QRICH2: variants seen among roughly 807,000 people sequenced by gnomAD.
QRICH2 encodes the protein glutamine rich 2.
In QRICH2, 119 loss-of-function variants were observed where a neutral mutation model predicts 168.3. The ratio of observed to expected loss-of-function variants is 0.71; its 90% confidence interval spans 0.61 to 0.82. The LOEUF (loss-of-function observed/expected upper bound fraction) is 0.82. QRICH2 is among the 40% of genes least tolerant of loss of function. The pLI, the probability that QRICH2 is intolerant of heterozygous loss-of-function variation, is 0.00. For synonymous variants in QRICH2, 894 were observed against 951.2 expected (o/e 0.94, Z 1.11); for missense variants, 2,241 against 2,491.6 (o/e 0.90, Z 2.14).
chr17:76,304,470 A>AC lies in QRICH2; in HGVS notation c.649dup (p.Val217GlyfsTer29). On this transcript the variant is annotated frameshift_variant, in exon 3 of 19. Transcript: ENST00000680821. LOFTEE classifies it high-confidence loss of function. ...CGCCTGCTCCAGCTCTTCCCAGGTG[A>AC]CCATGGTGACTTCTTCTGCACCAGG... The AC allele has an allele frequency of 6.2e-7, 1 of 1,613,864 alleles. No individual in the cohort carries two copies. Among genetic ancestry groups the AC allele is most frequent in the Admixed American group, 1.7e-5 (1 of 60,020 alleles).
chr17:76,282,903 C>T (rs1379384615), intron 7 of QRICH2, among the ~76,000 whole-genome samples: 1 of 152,120 alleles, frequency 6.6e-6, no homozygotes, highest in African/African-American at 2.4e-5. Flanking sequence ...CACTGCAGAG[C>T]GCGAGGGAGA....
rs2070789221 is a variant in QRICH2, at chr17:76,281,618, G to A, written c.4263+246C>T. On this transcript the variant is annotated intron_variant, in intron 8 of 18. Coordinates refer to ENST00000680821, the MANE Select transcript of QRICH2 (RefSeq NM_001388453.1). The surrounding 1 kb of genome is among the most constrained non-coding windows in gnomAD (Gnocchi z 4.4). ...GATCTGTCCTCAGCCGGCCTGTGCT[G>A]TCCCACCCCATCAAGCCAGCTCTTC... 6.6e-6 allele frequency among the ~76,000 whole-genome samples: 1 copy of A among 152,218 alleles called. No individual in the cohort carries two copies. Among genetic ancestry groups the A allele is most frequent in the Non-Finnish European group, 1.5e-5 (1 of 68,038 alleles).
chr17:76,307,937 T>C lies in QRICH2; in HGVS notation c.62A>G (p.Glu21Gly). The C allele has an allele frequency of 8.1e-7, 1 of 1,235,772 alleles. No individual in the cohort carries two copies. The highest frequency in any genetic ancestry group is 1.0e-6 in the Non-Finnish European group (1 of 989,974). 76.6% of individuals were successfully genotyped at this position (1,235,772 alleles called of 1,614,324 possible). Residue 21 changes from glutamate to glycine, a missense_variant, in exon 1 of 19, where the codon GAG (glutamate) becomes GGG (glycine). Coordinates refer to ENST00000680821, the MANE Select transcript of QRICH2 (RefSeq NM_001388453.1). This position sits in a 1 kb window ranked among gnomAD's most constrained non-coding sequence, Gnocchi z 5.3. ...GGCCGTGAAGTTGACGGCGCCCACCTCTGGCGTGCCGATGGAGAGGTCCGC... is the reference window on the plus strand; with the variant it reads ...GGCCGTGAAGTTGACGGCGCCCACCCCTGGCGTGCCGATGGAGAGGTCCGC... The part of the protein sequence containing the change: ...ELADLSIGTP[E>G]VGAVNFTALH...
chr17:76,292,096 A>T lies in QRICH2; in HGVS notation c.2631T>A (p.Asp877Glu), dbSNP rs369976847. The change falls in exon 4 of 19, where the codon GAT (aspartate) becomes GAA (glutamate). Residue 877 changes from aspartate (D) to glutamate (E), a missense_variant. Coordinates refer to ENST00000680821, the MANE Select transcript of QRICH2 (RefSeq NM_001388453.1). ...TTCCAGGTTGGACCAAACCACGCTG[A>T]TCCACTCCAGGTTGCACCAAACCAC... Reference protein sequence around the residue: ...DQRGLVQPGVDQRGLVQPGMD... With the variant: ...DQRGLVQPGVEQRGLVQPGMD... 2.5e-5 allele frequency: 41 copies of T among 1,613,138 alleles called. No individual in the cohort carries two copies. The African/African-American group carries it at 5.3e-4, about 21-fold the overall frequency.
Position 76,307,752 on chromosome 17 carries a change from C to A in QRICH2, c.247G>T (p.Ala83Ser). Reference protein sequence around the residue: ...LPAPKEVPKGAPREKRRGVGQ... With the variant: ...LPAPKEVPKGSPREKRRGVGQ... ...ACGCCCCTGCGCTTCTCCCGGGGCG[C>A]CCCCTTGGGCACCTCCTTGGGCGCG... Residue 83 changes from alanine to serine, a missense_variant, in exon 1 of 19, where the codon GCG (alanine) becomes TCG (serine). Coordinates refer to ENST00000680821, the MANE Select transcript of QRICH2 (RefSeq NM_001388453.1). This position sits in a 1 kb window ranked among gnomAD's most constrained non-coding sequence, Gnocchi z 5.3. The A allele has an allele frequency of 7.3e-7, 1 of 1,377,252 alleles. No individual in the cohort carries two copies. Among genetic ancestry groups the A allele is most frequent in the African/African-American group, 1.5e-5 (1 of 66,896 alleles). The allele number at this position is 1,377,252 out of a possible 1,614,324, so 85.3% of individuals were successfully genotyped here.
chr17:76,297,628 G>A (rs1377505216), intron 3 of QRICH2, among the ~76,000 whole-genome samples: 1 of 152,130 alleles, frequency 6.6e-6, no homozygotes, highest in Non-Finnish European at 1.5e-5. Flanking sequence ...ATAATGAGGA[G>A]ATAACTCAAC....
At chr17:76,286,922 A>C (rs2070895204) in intron 7 of QRICH2, among the ~76,000 whole-genome samples, 1 of 151,400 alleles carries the variant, frequency 6.6e-6, no homozygotes, top group African/African-American at 2.4e-5. Flanking sequence ...TGGGAGGTAA[A>C]CAGGTGTTGT....
intron 6 of QRICH2, 137 bp from the exon 7 acceptor site, chr17:76,287,443 C>T (rs1195355686): frequency 1.4e-6 from 1 of 689,896 alleles, no homozygotes; most frequent in African/African-American, 1.8e-5. Context: ...TGGATTTTGT[C>T]TAGGGAGTCC....
intron 3 of QRICH2, 104 bp downstream of exon 3, chr17:76,304,311 G>C (rs2070953891): frequency 1.5e-6 from 1 of 687,500 alleles, no homozygotes; most frequent in African/African-American, 1.8e-5. Context: ...AATGAAACTT[G>C]CGAACTATGA....
chr17:76,286,875 CAA>C (rs574718247), intron 7 of QRICH2, among the ~76,000 whole-genome samples: 31 of 65,236 alleles, frequency 4.8e-4, no homozygotes, highest in East Asian at 5.1e-4. Flanking sequence ...AATTCCATCT[CAA>C]AAAAAAAAAA....
At chr17:76,309,497 C>G (rs1477574052), upstream of QRICH2, 1 of 152,126 alleles carries the variant, frequency 6.6e-6, no homozygotes, top group Non-Finnish European at 1.5e-5. Context: ...CAAGATTCTT[C>G]CCAAAAACGT....
chr17:76,292,884 C>T lies in QRICH2; in HGVS notation c.1843G>A (p.Ala615Thr), dbSNP rs1356013451. ...MDQSGLAQPGADQRGLVWPGM... is the reference protein window; with the variant it reads ...MDQSGLAQPGTDQRGLVWPGM... The stretch of plus-strand genomic sequence containing the variant: ...GGCCAGACCAAACCACGCTGATCTG[C>T]ACCAGGTTGGGCCAAACCAGACTGA... Residue 615 changes from alanine to threonine, a missense_variant, in exon 4 of 19, where the codon GCA becomes ACA. Ala to Thr is a moderately conservative substitution (Grantham distance 58). Transcript: ENST00000680821. 5.0e-6 allele frequency: 8 copies of T among 1,592,592 alleles called. No homozygotes were observed. Among genetic ancestry groups the T allele is most frequent in the African/African-American group, 3.5e-5 (2 of 57,202 alleles).
chr17:76,307,515 G>T lies in QRICH2; in HGVS notation c.484C>A (p.Arg162=). 6.2e-7 allele frequency: 1 copy of T among 1,612,724 alleles called. No homozygotes were observed. Among genetic ancestry groups the T allele is most frequent in the Non-Finnish European group, 8.5e-7 (1 of 1,179,416 alleles). The change falls in exon 1 of 19, where the codon CGG becomes AGG. Residue 162 remains arginine, a synonymous_variant. Coordinates refer to ENST00000680821, the MANE Select transcript of QRICH2 (RefSeq NM_001388453.1). The surrounding 1 kb of genome is among the most constrained non-coding windows in gnomAD (Gnocchi z 5.3). The part of the protein sequence containing the change: ...EVGVRAFDRV[R]TGSIMKDAAE... ...GCGTCCTTCATGATACTCCCAGTCC[G>T]CACCCTATCGAACGCCCGCACGCCC...
chr17:76,275,419 G>C (rs2070656618), intron 18 of QRICH2, among the ~76,000 whole-genome samples: 1 of 152,176 alleles, frequency 6.6e-6, no homozygotes, highest in Admixed American at 6.5e-5. Context: ...TTCCAGGCGG[G>C]AGGCAGAGAG....
chr17:76,275,021 C>T (rs745601408), intron 18 of QRICH2, among the ~76,000 whole-genome samples: 15 of 152,244 alleles, frequency 9.9e-5, no homozygotes, highest in Middle Eastern at 3.4e-3. Context: ...CCTCCCTCAG[C>T]GCCGGGTCCT....
intron 3 of QRICH2, among the ~76,000 whole-genome samples, chr17:76,298,750 G>C (rs1478378040): frequency 6.6e-6 from 1 of 151,904 alleles, no homozygotes; most frequent in Non-Finnish European, 1.5e-5. Flanking sequence ...CGAGTAGCTG[G>C]GATTACAGGC....
At position 76,275,858 on chromosome 17, in the gene QRICH2, G is replaced by C; in HGVS notation, c.5443C>G (p.Arg1815Gly). The change falls in exon 18 of 19, where the codon CGG becomes GGG. Residue 1815 changes from arginine (R) to glycine (G), a missense_variant. Around this residue, in one of 3 missense-constraint regions of QRICH2, gnomAD observed 189 missense variants for 169.3 expected, o/e 1.12. Transcript: ENST00000680821. ...SLSSNGQLPS[R>G]PQSAQISAGN... ...GCCGAAATCTGGGCGCTCTGTGGCC[G>C]AGAGGGCAGCTGGCCATTGCTGCTG... is the stretch of plus-strand genomic sequence containing the variant. The C allele has an allele frequency of 6.2e-7, 1 of 1,608,004 alleles. No individual in the cohort carries two copies. The highest frequency in any genetic ancestry group is 8.5e-7 in the Non-Finnish European group (1 of 1,179,906).
intron 4 of QRICH2, among the ~76,000 whole-genome samples, chr17:76,290,535 C>A (rs1204296462): frequency 6.6e-6 from 1 of 151,676 alleles, no homozygotes; most frequent in Non-Finnish European, 1.5e-5. Context: ...TGTGTGCCAC[C>A]ACGCCTGGCT....
At chr17:76,305,529 A>G (rs1341847246) in intron 1 of QRICH2, among the ~76,000 whole-genome samples, 1 of 151,980 alleles carries the variant, frequency 6.6e-6, no homozygotes, top group African/African-American at 2.4e-5. Flanking sequence ...GCAGGAAGGG[A>G]AGTGAGATGC....
Sources: allele counts gnomAD v4.1 joint callset (sites outside exome capture counted in the v4.1 genomes callset), GRCh38; gene constraint gnomAD v4.1.1; regional missense constraint gnomAD v4.1.1; non-coding constraint Gnocchi (gnomAD v3.1); transcripts MANE v1.5; gene names NCBI Gene and HGNC (gene_info 2026-07-23, HGNC 2026-07-21).